The following ZBTB20 variants were observed in gnomAD, a reference collection of about 807,000 sequenced individuals.
ZBTB20 encodes the protein zinc finger and BTB domain-containing protein 20.
ZBTB20 carries 9 observed loss-of-function variants against 56.9 expected under a neutral mutation model. That is an observed-to-expected ratio of 0.16 (90% CI 0.10 to 0.28). ZBTB20 has a LOEUF of 0.28. ZBTB20 is among the 10% of genes least tolerant of loss of function. The pLI is 1.00. For synonymous variants in ZBTB20, 417 were observed against 420.7 expected (o/e 0.99, Z 0.11); for missense variants, 655 against 1,003.0 (o/e 0.65, Z 4.69).
At chr3:114,957,681 T>A (rs757301519) in intron 3 of ZBTB20, among the ~76,000 whole-genome samples, 2 of 152,234 alleles carry the variant, frequency 1.3e-5, no homozygotes, top group Admixed American at 6.5e-5. Context: ...TTCCTTTTCA[T>A]CGTGACAACC....
intron 6 of ZBTB20, chr3:114,658,618 G>C (rs1434078517): frequency 6.6e-6 from 1 of 152,054 alleles, no homozygotes; most frequent in Non-Finnish European, 1.5e-5. Context: ...ATGTAAACTT[G>C]CTCTCTATCA....
At chr3:115,086,761 C>G (rs1238894390) in intron 1 of ZBTB20, among the ~76,000 whole-genome samples, 1 of 151,694 alleles carries the variant, frequency 6.6e-6, no homozygotes, top group African/African-American at 2.4e-5. Flanking sequence ...GTGCACTAGT[C>G]TGTGTTTGTA....
chr3:115,119,519 T>C (rs1227981789), intron 1 of ZBTB20, among the ~76,000 whole-genome samples: 1 of 152,146 alleles, frequency 6.6e-6, no homozygotes, highest in Non-Finnish European at 1.5e-5. Flanking sequence ...ATATATCTTA[T>C]AGATGAGAAA....
chr3:114,461,668 C>A (rs1162463231), intron 7 of ZBTB20, among the ~76,000 whole-genome samples: 1 of 152,212 alleles, frequency 6.6e-6, no homozygotes, highest in Non-Finnish European at 1.5e-5. Context: ...TTACCGCTTA[C>A]ATTCTATAGG....
At chr3:114,918,402 T>G (rs1017512921) in intron 3 of ZBTB20, among the ~76,000 whole-genome samples, 1 of 151,894 alleles carries the variant, frequency 6.6e-6, no homozygotes, top group Admixed American at 6.6e-5. Flanking sequence ...TCCCCTTTTC[T>G]CTCCCATCTG....
At chr3:114,810,764 G>A (rs1413231044) in intron 4 of ZBTB20, among the ~76,000 whole-genome samples, 3 of 152,136 alleles carry the variant, frequency 2.0e-5, no homozygotes, top group Non-Finnish European at 4.4e-5. Flanking sequence ...TAGTAATGCA[G>A]GAATCAGGGG....
chr3:114,605,498 T>C (rs1490790582), intron 6 of ZBTB20, among the ~76,000 whole-genome samples: 2 of 152,222 alleles, frequency 1.3e-5, no homozygotes, highest in African/African-American at 4.8e-5. Flanking sequence ...CATTCATTTG[T>C]ATTAATTAAA....
intron 6 of ZBTB20, among the ~76,000 whole-genome samples, chr3:114,568,468 A>G (rs1249892221): frequency 6.6e-6 from 1 of 152,230 alleles, no homozygotes; most frequent in Non-Finnish European, 1.5e-5. Context: ...TAATACAGTA[A>G]GAGTAATTAT....
chr3:115,121,364 C>T (rs1028606102), intron 1 of ZBTB20, among the ~76,000 whole-genome samples: 1 of 151,898 alleles, frequency 6.6e-6, no homozygotes, highest in South Asian at 2.1e-4. Context: ...TTGCCACTAA[C>T]ATCCTTTTTT....
chr3:114,321,037 T>TC lies in ZBTB20; in HGVS notation c.*17967dup, dbSNP rs1446999583. 3.9e-5 allele frequency: 6 copies of TC among 152,148 alleles called. No homozygotes were observed. Among genetic ancestry groups the TC allele is most frequent in the African/African-American group, 1.4e-4 (6 of 41,424 alleles). The allele number at this position is 152,148 out of a possible 1,614,324, so 9.4% of individuals were successfully genotyped here. On this transcript the variant is annotated 3_prime_UTR_variant, in exon 12 of 12. Transcript: ENST00000675478. ...ACAGGTGGTTGAGCCAGCCAAAGCC[T>TC]CCAAGTTATGTTAGGTGGACAGTAA...
At chr3:115,119,991 TA>T (rs891177345) in intron 1 of ZBTB20, among the ~76,000 whole-genome samples, 13 of 149,976 alleles carry the variant, frequency 8.7e-5, no homozygotes, top group Admixed American at 4.0e-4. Context: ...GGAGACAGCT[TA>T]AAAAAAAAAT....
intron 6 of ZBTB20, among the ~76,000 whole-genome samples, chr3:114,501,636 A>T (rs1373372664): frequency 6.7e-6 from 1 of 150,164 alleles, no homozygotes; most frequent in Non-Finnish European, 1.5e-5. Flanking sequence ...AAAAAAAAAA[A>T]ATCACAGGCC....
intron 2 of ZBTB20, among the ~76,000 whole-genome samples, chr3:114,999,600 C>T (rs1388950077): frequency 6.6e-6 from 1 of 151,496 alleles, no homozygotes; most frequent in Non-Finnish European, 1.5e-5. Context: ...TGAAACATCT[C>T]TATTTTCTTG....
chr3:114,534,644 T>C (rs967162211), intron 6 of ZBTB20, among the ~76,000 whole-genome samples: 1 of 152,142 alleles, frequency 6.6e-6, no homozygotes, highest in African/African-American at 2.4e-5. Flanking sequence ...GTGGACCAAA[T>C]AGACATCTAC....
chr3:114,836,702 C>G (rs148269986), intron 4 of ZBTB20, among the ~76,000 whole-genome samples: 1 of 152,112 alleles, frequency 6.6e-6, no homozygotes, highest in African/African-American at 2.4e-5. Flanking sequence ...ATCCCAAACC[C>G]GACCATTCCT....
chr3:114,416,846 A>G (rs913960829), intron 7 of ZBTB20, among the ~76,000 whole-genome samples: 39 of 152,088 alleles, frequency 2.6e-4, no homozygotes, highest in African/African-American at 9.4e-4. Flanking sequence ...TGAGTTTTGT[A>G]GGTCATTTAT....
intron 3 of ZBTB20, among the ~76,000 whole-genome samples, chr3:114,956,730 T>C (rs1348155719): frequency 6.6e-6 from 1 of 152,190 alleles, no homozygotes; most frequent in Non-Finnish European, 1.5e-5. Flanking sequence ...CACCAAAACA[T>C]GCAGGCTATT....
chr3:114,968,278 T>C (rs927032663), intron 3 of ZBTB20, among the ~76,000 whole-genome samples: 4 of 152,248 alleles, frequency 2.6e-5, no homozygotes, highest in African/African-American at 9.6e-5. Context: ...ATGGCTGTTA[T>C]GTCAAACTGT....
intron 5 of ZBTB20, among the ~76,000 whole-genome samples, chr3:114,794,104 C>T (rs1280033599): frequency 1.3e-5 from 2 of 151,856 alleles, no homozygotes; most frequent in Admixed American, 6.6e-5. Flanking sequence ...ACAAACCTCA[C>T]TTACTGGCTT....
Sources: gnomAD v4.1 joint callset for allele counts (sites outside exome capture counted in the v4.1 genomes callset) on GRCh38, gnomAD v4.1.1 for gene constraint, MANE v1.5 for transcripts, NCBI Gene and HGNC (gene_info 2026-07-23, HGNC 2026-07-21) for gene names.